Variants in PDE6A observed in about 807,000 individuals in gnomAD.
PDE6A encodes rod cGMP-specific 3',5'-cyclic phosphodiesterase subunit alpha.
A neutral mutation model predicts 106.3 loss-of-function variants in PDE6A; 84 were observed. That is an observed-to-expected ratio of 0.79 (90% CI 0.66 to 0.95). PDE6A has a LOEUF of 0.95. Among genes scored for constraint, PDE6A ranks in the 40% least tolerant of loss-of-function variants. PDE6A has a pLI of 0.00. For missense variants in PDE6A, 1,052 were observed against 1,084.9 expected, an observed-to-expected ratio of 0.97 and a Z score of 0.43; for synonymous variants, 394 against 386.6, an observed-to-expected ratio of 1.02 and a Z score of -0.23.
chr5:149,917,049 CTT>C (rs575173849), intron 5 of PDE6A, among the ~76,000 whole-genome samples: 56 of 142,094 alleles, frequency 3.9e-4, no homozygotes, highest in African/African-American at 4.4e-4. Context: ...AAGGGGATAT[CTT>C]TTTTTTTTTT....
At chr5:149,867,488 ACCCCC>A (rs1760372889) in intron 19 of PDE6A, 1 of 605,946 alleles carries the variant, frequency 1.7e-6, no homozygotes, top group African/African-American at 1.8e-5. Flanking sequence ...GCAGGGGCCC[ACCCCC>A]AGAGCTTCTG....
intron 8 of PDE6A, among the ~76,000 whole-genome samples, chr5:149,900,375 G>GCATATATATATA (rs1752923164): frequency 1.2e-5 from 1 of 82,584 alleles, no homozygotes; most frequent in Non-Finnish European, 2.4e-5. Context: ...AAATATATAT[G>GCATATATATATA]TATATATATA....
At chr5:149,883,075 A>G (rs1760989111) in intron 17 of PDE6A, among the ~76,000 whole-genome samples, 1 of 152,182 alleles carries the variant, frequency 6.6e-6, no homozygotes, top group African/African-American at 2.4e-5. Flanking sequence ...AAAACAAAAC[A>G]AAACAAAAAC....
chr5:149,888,894 T>A, intron 13 of PDE6A, among the ~76,000 whole-genome samples: 1 of 151,512 alleles, frequency 6.6e-6, no homozygotes, highest in African/African-American at 2.4e-5. Flanking sequence ...CCATCCTGGC[T>A]AACACAGTGA....
intron 14 of PDE6A, among the ~76,000 whole-genome samples, chr5:149,885,869 G>T (rs1442862972): frequency 6.6e-6 from 1 of 152,178 alleles, no homozygotes; most frequent in African/African-American, 2.4e-5. Flanking sequence ...TGCATTCCTT[G>T]CTTGTAGGCC....
intron 16 of PDE6A, 47 bp downstream of exon 16, chr5:149,884,432 A>G (rs756228626): frequency 4.3e-6 from 5 of 1,171,008 alleles, no homozygotes; most frequent in Middle Eastern, 1.9e-4. Context: ...ATATGCATAC[A>G]TATAATCATT....
intron 13 of PDE6A, among the ~76,000 whole-genome samples, chr5:149,893,110 C>G (rs577258780): frequency 7.2e-5 from 11 of 152,198 alleles, no homozygotes; most frequent in Admixed American, 6.5e-4. Context: ...GTTAAAGAAG[C>G]CCTTTGTGAC....
chr5:149,944,583 T>A lies in PDE6A; in HGVS notation c.91A>T (p.Lys31Ter). ...KQYYNLHYRA[K>*]LISDLLGAKE... ...GCCCCAAGGAGGTCGGAGATGAGCT[T>A]GGCCCGGTAGTGGAGGTTGTAGTAC... The change falls in exon 1 of 22, where the codon AAG (lysine) becomes TAG (stop). Residue 31 changes from lysine to a stop codon, truncating the protein, a stop_gained. Transcript: ENST00000255266. LOFTEE classifies it high-confidence loss of function. 6.2e-7 allele frequency: 1 copy of A among 1,614,064 alleles called. No individual in the cohort carries two copies. Among genetic ancestry groups the A allele is most frequent in the East Asian group, 2.2e-5 (1 of 44,872 alleles).
chr5:149,923,563 CAT>C (rs1753791925), intron 4 of PDE6A, among the ~76,000 whole-genome samples: 1 of 71,710 alleles, frequency 1.4e-5, no homozygotes, highest in East Asian at 4.6e-4. Flanking sequence ...CATAACATAA[CAT>C]AACATAACAT....
At position 149,921,667 on chromosome 5, in the gene PDE6A, G is replaced by A; in HGVS notation, c.901C>T (p.Pro301Ser). Reference sequence around the variant, plus strand: ...TCCGGAGTCCTGGGACCAGAGTAAGGTGGAACTTCACCCATCAGAACCGGC... The same window carrying A: ...TCCGGAGTCCTGGGACCAGAGTAAGATGGAACTTCACCCATCAGAACCGGC... ...VWPVLMGEVPPYSGPRTPDGR... is the reference protein window; with the variant it reads ...VWPVLMGEVPSYSGPRTPDGR... Residue 301 changes from proline to serine, a missense_variant, in exon 5 of 22, where the codon CCT (proline) becomes TCT (serine). Physicochemically the swap from Pro to Ser is moderately conservative, Grantham distance 74 (BLOSUM62 -1). Coordinates refer to ENST00000255266, the MANE Select transcript of PDE6A (RefSeq NM_000440.3). 2.5e-6 allele frequency: 4 copies of A among 1,613,926 alleles called. No individual in the cohort carries two copies. Among genetic ancestry groups the A allele is most frequent in the South Asian group, 2.2e-5 (2 of 91,070 alleles).
intron 20 of PDE6A, among the ~76,000 whole-genome samples, chr5:149,865,540 C>G (rs1017150780): frequency 1.3e-5 from 2 of 152,218 alleles, no homozygotes; most frequent in Non-Finnish European, 2.9e-5. Flanking sequence ...AGTTGTATCT[C>G]AGATGCTCTT....
chr5:149,938,810 C>T (rs772745230), intron 1 of PDE6A, among the ~76,000 whole-genome samples: 4 of 151,882 alleles, frequency 2.6e-5, no homozygotes, highest in Non-Finnish European at 5.9e-5. Context: ...CTTCCCAAGG[C>T]AATTCCCAAG....
At chr5:149,891,599 C>A (rs1752550605) in intron 13 of PDE6A, among the ~76,000 whole-genome samples, 1 of 152,048 alleles carries the variant, frequency 6.6e-6, no homozygotes, top group Non-Finnish European at 1.5e-5. Context: ...CCCAAGAGTT[C>A]AAGACCAGCC....
rs565840295 is a variant in PDE6A, at chr5:149,928,429, G to A, written c.858+2599C>T. Among the ~76,000 whole-genome samples, 21 of 150,766 alleles carry A rather than the reference G, an allele frequency of 1.4e-4. No homozygotes were observed. In the South Asian group the frequency reaches 4.2e-3, roughly 30 times the overall value. On this transcript the variant is annotated intron_variant, in intron 4 of 21. Transcript: ENST00000255266. ...ATTTTTTTATTTTTAGTAGAGACGG[G>A]GTTTCACCATGTTGGTCAGGCTGGT...
rs1357299424 is a variant in PDE6A, at chr5:149,944,757, G to A, written c.-84C>T. The A allele has an allele frequency of 1.8e-5, 19 of 1,078,348 alleles. No individual in the cohort carries two copies. In the East Asian group the frequency reaches 4.3e-4, roughly 25 times the overall value. The allele number at this position is 1,078,348 out of a possible 1,614,324, so 66.8% of individuals were successfully genotyped here. A position where few individuals can be genotyped will look rare whatever the true frequency, so the allele number is the denominator to read the frequency against. On this transcript the variant is annotated 5_prime_UTR_variant, in exon 1 of 22. Coordinates refer to ENST00000255266, the MANE Select transcript of PDE6A (RefSeq NM_000440.3). ...AGTTTTGCAGTCTGCAACAAGTCCA[G>A]TCTGGACTTCTCTGGGTCTTGTCTG... is the stretch of plus-strand genomic sequence containing the variant.
At chr5:149,906,504 CA>C (rs1753186021) in intron 7 of PDE6A, among the ~76,000 whole-genome samples, 1 of 36,944 alleles carries the variant, frequency 2.7e-5, no homozygotes, top group Admixed American at 2.7e-4. Context: ...CCAGCCTGGG[CA>C]ACAGAGACAC....
intron 1 of PDE6A, among the ~76,000 whole-genome samples, chr5:149,937,424 C>G (rs1030212441): frequency 3.3e-5 from 5 of 152,194 alleles, no homozygotes; most frequent in African/African-American, 1.2e-4. Flanking sequence ...GCCATCCAGG[C>G]TGGAGTGCAG....
At chr5:149,895,075 CAATA>C in intron 13 of PDE6A, 104 bp downstream of exon 13, 4 of 761,030 alleles carry the variant, frequency 5.3e-6, no homozygotes, top group Non-Finnish European at 7.2e-6. Flanking sequence ...TCTTAAAAGA[CAATA>C]AATAAAGAAA....
At chr5:149,930,371 G>A (rs1184935875) in intron 4 of PDE6A, among the ~76,000 whole-genome samples, 1 of 152,180 alleles carries the variant, frequency 6.6e-6, no homozygotes, top group African/African-American at 2.4e-5. Flanking sequence ...TGGAATCCTT[G>A]GGTTTTCAGG....
Sources: allele counts gnomAD v4.1 joint callset (sites outside exome capture counted in the v4.1 genomes callset), GRCh38; gene constraint gnomAD v4.1.1; transcripts MANE v1.5; gene names NCBI Gene and HGNC (gene_info 2026-07-23, HGNC 2026-07-21).